CFAP20DC: variants seen among roughly 807,000 people sequenced by gnomAD.
The protein encoded by CFAP20DC is CFAP20 domain containing.
Under a neutral mutation model 101.7 loss-of-function variants are expected in CFAP20DC, and 84 were observed. That is an observed-to-expected ratio of 0.83 (90% confidence interval 0.69 to 0.99). The LOEUF is 0.99. CFAP20DC is among the 50% of genes least tolerant of loss of function. The pLI is 0.00. For synonymous variants in CFAP20DC, 359 were observed against 351.2 expected (o/e 1.02, Z -0.25); for missense variants, 1,007 against 970.3 (o/e 1.04, Z -0.50).
Position 58,742,211 on chromosome 3 carries a change from CAAG to C in CFAP20DC, c.*246_*248del. Reference sequence around the variant, plus strand: ...AAATTATATGTAGAATGAGAACAAACAAGAACCAATTCAAACTCCTAAAATCTT... The same window carrying C: ...AAATTATATGTAGAATGAGAACAAACAACCAATTCAAACTCCTAAAATCTT... On this transcript the variant is annotated 3_prime_UTR_variant, in exon 17 of 17. Transcript: ENST00000482387. 9.8e-7 allele frequency: 1 copy of C among 1,018,686 alleles called. No homozygotes were observed. Among genetic ancestry groups the C allele is most frequent in the Middle Eastern group, 4.4e-4 (1 of 2,294 alleles). The allele number at this position is 1,018,686 out of a possible 1,614,324, so 63.1% of individuals were successfully genotyped here. A position where few individuals can be genotyped will look rare whatever the true frequency, so the allele number is the denominator to read the frequency against.
downstream of CFAP20DC, among the ~76,000 whole-genome samples, chr3:58,737,513 T>A (rs2067785625): frequency 1.3e-5 from 2 of 152,042 alleles, no homozygotes; most frequent in Admixed American, 1.3e-4. The surrounding 1 kb of genome is among the most constrained non-coding windows in gnomAD (Gnocchi z 4.1). Flanking sequence ...AGAAAAAGAG[T>A]TCTGTAGACA....
At chr3:58,777,542 C>A (rs1456824686) in intron 15 of CFAP20DC, among the ~76,000 whole-genome samples, 1 of 152,058 alleles carries the variant, frequency 6.6e-6, no homozygotes, top group Non-Finnish European at 1.5e-5. Flanking sequence ...AAAGTATGCA[C>A]AAATGAATGA....
At chr3:58,811,240 T>A (rs1293401329) in intron 14 of CFAP20DC, among the ~76,000 whole-genome samples, 1 of 152,158 alleles carries the variant, frequency 6.6e-6, no homozygotes, top group Non-Finnish European at 1.5e-5. Flanking sequence ...AGAGCCCGCA[T>A]TGCCAAGTCC....
chr3:58,995,478 A>G (rs1045340534), intron 4 of CFAP20DC, among the ~76,000 whole-genome samples: 1 of 152,168 alleles, frequency 6.6e-6, no homozygotes, highest in Admixed American at 6.5e-5. Flanking sequence ...TTTGAGTAGA[A>G]AAAAATCTTT....
chr3:58,753,237 A>ATT (rs1386662486), intron 16 of CFAP20DC, among the ~76,000 whole-genome samples: 4 of 152,162 alleles, frequency 2.6e-5, no homozygotes, highest in Non-Finnish European at 4.4e-5. Context: ...TTCTGCTTTA[A>ATT]TGCAAAGGTT....
intron 6 of CFAP20DC, among the ~76,000 whole-genome samples, chr3:58,895,464 C>T (rs2082593941): frequency 6.6e-6 from 1 of 152,166 alleles, no homozygotes; most frequent in Admixed American, 6.5e-5. Context: ...CAAGAATCAC[C>T]TTTGCTCCAG....
chr3:58,983,743 T>C (rs539502589), intron 4 of CFAP20DC, among the ~76,000 whole-genome samples: 1 of 152,316 alleles, frequency 6.6e-6, no homozygotes, highest in South Asian at 2.1e-4. Flanking sequence ...CTATTCAAAA[T>C]GCTTTATGGA....
intron 15 of CFAP20DC, among the ~76,000 whole-genome samples, chr3:58,768,751 C>G (rs1413773148): frequency 6.6e-6 from 1 of 152,200 alleles, no homozygotes; most frequent in African/African-American, 2.4e-5. Flanking sequence ...GTCACCACCA[C>G]ACTCCCCTCA....
chr3:59,039,664 G>C, intron 3 of CFAP20DC, 35 bp from the exon 4 acceptor site: 1 of 1,335,938 alleles, frequency 7.5e-7, no homozygotes, highest in Non-Finnish European at 1.0e-6. Flanking sequence ...TCAAATGTTC[G>C]AAGCATTTAT....
chr3:58,737,323 GAC>G, downstream of CFAP20DC: 1 of 387,498 alleles, frequency 2.6e-6, no homozygotes, highest in Non-Finnish European at 5.2e-6. The surrounding 1 kb of genome is among the most constrained non-coding windows in gnomAD (Gnocchi z 4.1). Context: ...CACACACACA[GAC>G]ACACACCCAC....
At chr3:58,848,044 C>T (rs2108288316) in intron 13 of CFAP20DC, among the ~76,000 whole-genome samples, 1 of 133,664 alleles carries the variant, frequency 7.5e-6, no homozygotes, top group South Asian at 2.8e-4. Context: ...GGAGGGATAG[C>T]ATCGGGAGAT....
At chr3:58,951,003 T>C (rs571462602) in intron 4 of CFAP20DC, among the ~76,000 whole-genome samples, 15 of 151,830 alleles carry the variant, frequency 9.9e-5, no homozygotes, top group African/African-American at 3.1e-4. Flanking sequence ...ATTTTTGCAA[T>C]CTACTCATCT....
At chr3:59,021,416 A>G (rs1402885183) in intron 4 of CFAP20DC, among the ~76,000 whole-genome samples, 1 of 152,066 alleles carries the variant, frequency 6.6e-6, no homozygotes, top group Non-Finnish European at 1.5e-5. Context: ...TGACTGAGAG[A>G]AAAATAAGTT....
intron 5 of CFAP20DC, among the ~76,000 whole-genome samples, chr3:58,915,664 G>A (rs554316342): frequency 6.6e-6 from 1 of 152,206 alleles, no homozygotes; most frequent in South Asian, 2.1e-4. Context: ...GGGGGCTCAT[G>A]GTGGGTATGT....
At chr3:58,907,226 T>C (rs1429780722) in intron 6 of CFAP20DC, among the ~76,000 whole-genome samples, 1 of 152,160 alleles carries the variant, frequency 6.6e-6, no homozygotes, top group African/African-American at 2.4e-5. Flanking sequence ...CAAATTTATA[T>C]GTCGGCAACC....
At chr3:58,730,042 A>C (rs938857700) in intron 3 of CFAP20DC, among the ~76,000 whole-genome samples, 1 of 151,034 alleles carries the variant, frequency 6.6e-6, no homozygotes, top group African/African-American at 2.5e-5. Context: ...AAAAAAAAGA[A>C]AGTTGAAATC....
chr3:58,891,961 T>G (rs2082293799), intron 6 of CFAP20DC, among the ~76,000 whole-genome samples: 1 of 152,256 alleles, frequency 6.6e-6, no homozygotes, highest in Admixed American at 6.5e-5. Flanking sequence ...GGTTTTAAGT[T>G]TTGGGTTTTA....
chr3:59,029,155 G>T (rs992570640), intron 4 of CFAP20DC, among the ~76,000 whole-genome samples: 3 of 152,158 alleles, frequency 2.0e-5, no homozygotes, highest in East Asian at 3.9e-4. Context: ...TCATTCATTA[G>T]TCCACCCATC....
intron 5 of CFAP20DC, among the ~76,000 whole-genome samples, chr3:58,932,350 C>T (rs1463981645): frequency 3.9e-5 from 6 of 152,280 alleles, no homozygotes; most frequent in East Asian, 1.9e-4. Context: ...AAACACTCTG[C>T]AGGATATTAT....
Sources: allele counts gnomAD v4.1 joint callset (sites outside exome capture counted in the v4.1 genomes callset), GRCh38; gene constraint gnomAD v4.1.1; non-coding constraint Gnocchi (gnomAD v3.1); transcripts MANE v1.5; gene names NCBI Gene and HGNC (gene_info 2026-07-23, HGNC 2026-07-21).